Variants in ZMIZ1 observed in about 807,000 individuals in gnomAD.
ZMIZ1 encodes the protein zinc finger MIZ-type containing 1.
A neutral mutation model predicts 113.9 loss-of-function variants in ZMIZ1; 17 were observed. The observed-to-expected ratio is 0.15, with a 90% CI of 0.10 to 0.22. The LOEUF (loss-of-function observed/expected upper bound fraction) is 0.22. Among genes scored for constraint, ZMIZ1 ranks in the 10% least tolerant of loss-of-function variants. The pLI, the probability that ZMIZ1 is intolerant of heterozygous loss-of-function variation, is 1.00. For missense variants in ZMIZ1, 1,059 were observed against 1,477.8 expected (o/e 0.72, Z 4.65); for synonymous variants, 607 against 603.1 (o/e 1.01, Z -0.09).
chr10:79,165,242 C>T (rs1319052568), intron 4 of ZMIZ1, among the ~76,000 whole-genome samples: 2 of 152,160 alleles, frequency 1.3e-5, no homozygotes, highest in Non-Finnish European at 1.5e-5. Flanking sequence ...GTTCTCCAAG[C>T]CTTCCTCCCC....
chr10:79,217,323 G>T (rs1848776652), intron 7 of ZMIZ1, among the ~76,000 whole-genome samples: 1 of 152,180 alleles, frequency 6.6e-6, no homozygotes, highest in Admixed American at 6.5e-5. Flanking sequence ...TACTCAGGAG[G>T]TTGAGGCAGG....
intron 8 of ZMIZ1, among the ~76,000 whole-genome samples, chr10:79,279,215 C>T (rs1014372085): frequency 6.6e-6 from 1 of 151,042 alleles, no homozygotes; most frequent in Non-Finnish European, 1.5e-5. Context: ...GACGGGGCGG[C>T]TGCCGGGCGG....
At chr10:79,205,310 C>T (rs1848271276) in intron 5 of ZMIZ1, among the ~76,000 whole-genome samples, 1 of 152,226 alleles carries the variant, frequency 6.6e-6, no homozygotes, top group Admixed American at 6.5e-5. Context: ...CTGCCCTGGC[C>T]CCTCCCTCCA....
At chr10:79,132,452 G>A (rs1024086530) in intron 2 of ZMIZ1, among the ~76,000 whole-genome samples, 10 of 152,218 alleles carry the variant, frequency 6.6e-5, no homozygotes, top group Non-Finnish European at 1.5e-4. Context: ...GTATTGGGCT[G>A]GAGTGAGGCA....
At chr10:79,273,599 C>G (rs1852078750) in intron 7 of ZMIZ1, among the ~76,000 whole-genome samples, 1 of 152,230 alleles carries the variant, frequency 6.6e-6, no homozygotes, top group Non-Finnish European at 1.5e-5. Context: ...CTCAAGTGAT[C>G]TGCCCGCCTC....
intron 1 of ZMIZ1, among the ~76,000 whole-genome samples, chr10:79,109,681 C>T (rs573521316): frequency 1.3e-5 from 2 of 152,302 alleles, no homozygotes; most frequent in South Asian, 2.1e-4. Context: ...AGCCCCGGGT[C>T]GTGGGAGAAG....
intron 23 of ZMIZ1, among the ~76,000 whole-genome samples, chr10:79,307,924 C>G (rs577804590): frequency 1.3e-5 from 2 of 152,302 alleles, no homozygotes; most frequent in East Asian, 3.9e-4. Context: ...TCACCTAACA[C>G]GGTTCCAGCC....
intron 7 of ZMIZ1, among the ~76,000 whole-genome samples, chr10:79,276,020 C>T (rs529847106): frequency 1.8e-4 from 27 of 152,330 alleles, no homozygotes; most frequent in African/African-American, 6.5e-4. Context: ...TCTTGCCCAT[C>T]GACTACTTCC....
At chr10:79,230,232 T>C (rs1849342803) in intron 7 of ZMIZ1, among the ~76,000 whole-genome samples, 1 of 150,022 alleles carries the variant, frequency 6.7e-6, no homozygotes, top group Non-Finnish European at 1.5e-5. Context: ...CTCCCCCACT[T>C]CCTTTGTCTC....
intron 2 of ZMIZ1, among the ~76,000 whole-genome samples, chr10:79,124,954 G>C (rs960273396): frequency 6.6e-6 from 1 of 152,248 alleles, no homozygotes; most frequent in African/African-American, 2.4e-5. Flanking sequence ...AGAGCTAGGA[G>C]GGCTGGCCTC....
chr10:79,187,506 A>T (rs1173081153), intron 4 of ZMIZ1, among the ~76,000 whole-genome samples: 1 of 152,134 alleles, frequency 6.6e-6, no homozygotes, highest in Non-Finnish European at 1.5e-5. Context: ...ATTCGATGGG[A>T]TGATGTATGC....
chr10:79,206,775 G>GTT (rs1389557447), intron 5 of ZMIZ1, among the ~76,000 whole-genome samples: 1 of 152,220 alleles, frequency 6.6e-6, no homozygotes, highest in Non-Finnish European at 1.5e-5. Context: ...GCCTCATCTT[G>GTT]TTTAAGCCTC....
rs377219689 is a variant in ZMIZ1 at position 79,310,460 on chromosome 10, G to A, written c.2836-464G>A. Among the ~76,000 whole-genome samples the A allele has an allele frequency of 1.6e-4, 24 of 152,280 alleles. No individual in the cohort carries two copies. The East Asian group carries it at 3.3e-3, about 21-fold the overall frequency. Reference sequence around the variant, plus strand: ...AGACCCAGTCCTGAGCCGCACGCCCGCCCAATGCTGTCTGTCTGTGTCTGC... The same window carrying A: ...AGACCCAGTCCTGAGCCGCACGCCCACCCAATGCTGTCTGTCTGTGTCTGC... On this transcript the variant is annotated intron_variant, in intron 23 of 24. Transcript: ENST00000334512.
intron 4 of ZMIZ1, among the ~76,000 whole-genome samples, chr10:79,197,575 G>A (rs1371777470): frequency 2.8e-5 from 4 of 144,342 alleles, no homozygotes; most frequent in South Asian, 2.2e-4. Flanking sequence ...CCCTGATTAC[G>A]CCCCTGCCAA....
intron 1 of ZMIZ1, among the ~76,000 whole-genome samples, chr10:79,089,108 C>T (rs754639440): frequency 6.6e-6 from 1 of 152,234 alleles, no homozygotes; most frequent in African/African-American, 2.4e-5. Flanking sequence ...GCCCCTCCGA[C>T]AGGACAGCGC....
intron 8 of ZMIZ1, among the ~76,000 whole-genome samples, chr10:79,279,096 C>T (rs1334667230): frequency 4.8e-5 from 7 of 147,108 alleles, no homozygotes; most frequent in East Asian, 2.1e-4. Flanking sequence ...GGCAGCTGGC[C>T]GGACAGGGGC....
intron 6 of ZMIZ1, among the ~76,000 whole-genome samples, chr10:79,209,715 C>T (rs1848462990): frequency 6.6e-6 from 1 of 152,260 alleles, no homozygotes; most frequent in Non-Finnish European, 1.5e-5. Context: ...AGCCGGCCCA[C>T]AGAATACACC....
chr10:79,202,189 G>GAAAAAAAAAAAAAAA (rs58021590), intron 5 of ZMIZ1, among the ~76,000 whole-genome samples: 45 of 52,616 alleles, frequency 8.6e-4, no homozygotes, highest in Middle Eastern at 0.029. Context: ...CCCTGTCTCA[G>GAAAAAAAAAAAAAAA]AAAAAAAAAA....
intron 4 of ZMIZ1, among the ~76,000 whole-genome samples, chr10:79,200,667 C>T (rs1589415265): frequency 6.6e-6 from 1 of 152,330 alleles, no homozygotes; most frequent in South Asian, 2.1e-4. Context: ...TGTCTCTCAG[C>T]CTCAGTTTCT....
Sources: gnomAD v4.1 joint callset for allele counts (sites outside exome capture counted in the v4.1 genomes callset) on GRCh38, gnomAD v4.1.1 for gene constraint, MANE v1.5 for transcripts, NCBI Gene and HGNC (gene_info 2026-07-23, HGNC 2026-07-21) for gene names.